The following ADAMTSL1 variants were observed in gnomAD, a reference collection of about 807,000 sequenced individuals.
ADAMTSL1 encodes the protein ADAMTS like 1, also known as ADAMTS-like protein 1.
Under a neutral mutation model 201.8 loss-of-function variants are expected in ADAMTSL1, and 126 were observed. That is an observed-to-expected ratio of 0.62 (90% CI 0.54 to 0.72). ADAMTSL1 has a LOEUF of 0.72. ADAMTSL1 is among the 30% of genes least tolerant of loss of function. The pLI, the probability that ADAMTSL1 is intolerant of heterozygous loss-of-function variation, is 0.00. For missense variants in ADAMTSL1, 2,679 were observed against 2,277.8 expected (o/e 1.18, Z -3.59); for synonymous variants, 1,121 against 903.4 (o/e 1.24, Z -4.32).
chr9:18,678,610 C>G (rs1222347282), intron 10 of ADAMTSL1, among the ~76,000 whole-genome samples: 1 of 152,156 alleles, frequency 6.6e-6, no homozygotes, highest in Non-Finnish European at 1.5e-5. Context: ...ATAAATCACT[C>G]TCCCTTTAGT....
chr9:18,601,769 T>C (rs1824673365), intron 4 of ADAMTSL1, among the ~76,000 whole-genome samples: 2 of 151,510 alleles, frequency 1.3e-5, no homozygotes, highest in Admixed American at 1.3e-4. Flanking sequence ...TATTACATTA[T>C]ACATTATAAT....
chr9:17,977,721 A>G (rs1238272448), intron 1 of ADAMTSL1, among the ~76,000 whole-genome samples: 2 of 152,014 alleles, frequency 1.3e-5, no homozygotes, highest in African/African-American at 2.4e-5. Context: ...CTAACATACA[A>G]TCTATTCTGC....
intron 3 of ADAMTSL1, among the ~76,000 whole-genome samples, chr9:18,537,177 A>C (rs1819828995): frequency 6.6e-6 from 1 of 152,216 alleles, no homozygotes; most frequent in Non-Finnish European, 1.5e-5. Flanking sequence ...TGAACCTTTC[A>C]TTCTAATGGA....
intron 1 of ADAMTSL1, among the ~76,000 whole-genome samples, chr9:17,953,327 G>A (rs976030755): frequency 1.3e-5 from 2 of 152,124 alleles, no homozygotes; most frequent in African/African-American, 2.4e-5. Context: ...CACTCTATTG[G>A]CAGAACGTTG....
At chr9:18,173,091 G>T (rs1827977924) in intron 2 of ADAMTSL1, among the ~76,000 whole-genome samples, 1 of 151,952 alleles carries the variant, frequency 6.6e-6, no homozygotes, top group Admixed American at 6.6e-5. Context: ...GTTTCTATTT[G>T]TTTAAATGGC....
At position 18,505,951 on chromosome 9, in the gene ADAMTSL1, A is replaced by G. The variant is rs542137971; in HGVS notation, c.191+995A>G. On this transcript the variant is annotated intron_variant, in intron 2 of 28. Transcript: ENST00000380548. ...CCAAGGCCTGCACAGGGTCTAACAGATATTAGAAGCCCGATAGATGGTTCT... is the reference window on the plus strand; with the variant it reads ...CCAAGGCCTGCACAGGGTCTAACAGGTATTAGAAGCCCGATAGATGGTTCT... Among the ~76,000 whole-genome samples, 48 of 152,314 alleles carry G rather than the reference A, an allele frequency of 3.2e-4. 1 individual carries two copies. The South Asian group carries it at 8.7e-3, about 28-fold the overall frequency.
At chr9:18,672,186 G>T (rs971466540) in intron 9 of ADAMTSL1, among the ~76,000 whole-genome samples, 10 of 143,656 alleles carry the variant, frequency 7.0e-5, no homozygotes, top group African/African-American at 7.6e-5. Flanking sequence ...ATTTTGGCTT[G>T]TTTTTTTTTT....
Position 18,864,862 on chromosome 9 carries a change from A to T in ADAMTSL1, c.4250-22969A>T, listed in dbSNP as rs1827408911. 1.3e-5 allele frequency among the ~76,000 whole-genome samples: 2 copies of T among 152,220 alleles called. 1 individual carries two copies. Among genetic ancestry groups the T allele is most frequent in the South Asian group, 4.1e-4 (2 of 4,830 alleles). ...CCATTGATTCTGTCATAGTTGGAGC[A>T]AATAATGAGGGGAACCCCCTGGTCT... is the stretch of plus-strand genomic sequence containing the variant. On this transcript the variant is annotated intron_variant, in intron 23 of 28. Transcript: ENST00000380548.
chr9:18,644,597 C>G (rs1827667938), intron 7 of ADAMTSL1, among the ~76,000 whole-genome samples: 1 of 147,096 alleles, frequency 6.8e-6, no homozygotes, highest in South Asian at 2.2e-4. Context: ...TCCATGTGTT[C>G]TCATTGTTCA....
chr9:18,224,225 G>A (rs1830362413), intron 2 of ADAMTSL1, among the ~76,000 whole-genome samples: 1 of 152,222 alleles, frequency 6.6e-6, no homozygotes, highest in African/African-American at 2.4e-5. Context: ...TCACAGTTCA[G>A]AAGGCTGGGA....
chr9:18,388,754 AATTT>A (rs1308075544), intron 2 of ADAMTSL1, among the ~76,000 whole-genome samples: 1 of 149,300 alleles, frequency 6.7e-6, no homozygotes, highest in African/African-American at 2.5e-5. Flanking sequence ...AATAGCACTG[AATTT>A]TTTTTTCTTT....
chr9:18,577,312 C>G (rs898690558), intron 4 of ADAMTSL1, among the ~76,000 whole-genome samples: 1 of 152,084 alleles, frequency 6.6e-6, no homozygotes, highest in Non-Finnish European at 1.5e-5. Context: ...ACGGCGAAAC[C>G]CTGTCTGTAC....
chr9:18,855,583 C>T (rs1001282054), intron 23 of ADAMTSL1, among the ~76,000 whole-genome samples: 9 of 152,110 alleles, frequency 5.9e-5, no homozygotes, highest in Non-Finnish European at 8.8e-5. Flanking sequence ...TTTAAGAGTT[C>T]GAACTCTTTT....
At chr9:18,536,753 A>T (rs1819800233) in intron 3 of ADAMTSL1, among the ~76,000 whole-genome samples, 1 of 152,310 alleles carries the variant, frequency 6.6e-6, no homozygotes, top group South Asian at 2.1e-4. Flanking sequence ...GAGCTAGCAA[A>T]CCAGTCAAAC....
intron 1 of ADAMTSL1, among the ~76,000 whole-genome samples, chr9:18,090,676 A>G (rs1823973297): frequency 6.6e-6 from 1 of 152,198 alleles, no homozygotes. Context: ...GCATGGCGGC[A>G]ATGGTTACAA....
intron 1 of ADAMTSL1, among the ~76,000 whole-genome samples, chr9:18,067,083 C>T (rs1193986616): frequency 6.6e-6 from 1 of 152,004 alleles, no homozygotes; most frequent in Non-Finnish European, 1.5e-5. Context: ...CACATGTACA[C>T]ATATGTAACT....
At chr9:18,733,643 A>G (rs1157624996) in intron 15 of ADAMTSL1, among the ~76,000 whole-genome samples, 1 of 87,444 alleles carries the variant, frequency 1.1e-5, no homozygotes, top group Non-Finnish European at 2.3e-5. Context: ...CCACACACAC[A>G]CTCACTCGCT....
In ADAMTSL1 at chr9:18,213,599, C is replaced by T. The variant is rs185080851; in HGVS notation, c.207+49618C>T. ...CATAACTGTAACTAGAAAATGAGGA[C>T]GTTCTGTGCTGCTGTTTCAGAAATC... On this transcript the variant is annotated intron_variant, in intron 2 of 29. Transcript: ENST00000680146. Among the ~76,000 whole-genome samples the T allele has an allele frequency of 2.0e-5, 3 of 152,254 alleles. No individual in the cohort carries two copies. In the East Asian group the frequency reaches 5.8e-4, roughly 29 times the overall value.
chr9:18,311,089 C>A (rs1385991263), intron 2 of ADAMTSL1, among the ~76,000 whole-genome samples: 1 of 151,624 alleles, frequency 6.6e-6, no homozygotes, highest in Non-Finnish European at 1.5e-5. Flanking sequence ...TCATTCTCAG[C>A]AAAGTAACAC....
Sources: allele counts gnomAD v4.1 joint callset (sites outside exome capture counted in the v4.1 genomes callset), GRCh38; gene constraint gnomAD v4.1.1; transcripts MANE v1.5; gene names NCBI Gene and HGNC (gene_info 2026-07-23, HGNC 2026-07-21).